The following ADGRL2 variants were observed in gnomAD, a reference collection of about 807,000 sequenced individuals.
ADGRL2 encodes the protein adhesion G protein-coupled receptor L2, also known as calcium-independent alpha-latrotoxin receptor 2.
ADGRL2 carries 44 observed loss-of-function variants against 157.4 expected under a neutral mutation model. The observed-to-expected ratio is 0.28, with a 90% CI of 0.22 to 0.36. ADGRL2 has a LOEUF of 0.36. Among genes scored for constraint, ADGRL2 ranks in the 10% least tolerant of loss-of-function variants. The pLI is 1.00. For missense variants in ADGRL2, 1,510 were observed against 1,768.9 expected (o/e 0.85, Z 2.63); for synonymous variants, 585 against 624.7 (o/e 0.94, Z 0.95).
chr1:81,991,227 C>T lies in ADGRL2; in HGVS notation c.*82C>T. 1.5e-6 allele frequency: 2 copies of T among 1,318,556 alleles called. No individual in the cohort carries two copies. The highest frequency in any genetic ancestry group is 2.1e-6 in the Non-Finnish European group (2 of 963,456). 81.7% of individuals were successfully genotyped at this position (1,318,556 alleles called of 1,614,324 possible). On this transcript the variant is annotated 3_prime_UTR_variant, in exon 24 of 24. Coordinates refer to ENST00000686636, the MANE Select transcript of ADGRL2 (RefSeq NM_001366006.2). ...ATTGGCCTGACGCAGCTCCCTCAAA[C>T]TCTGCTTGAAGAGATGACTCTTGAC... is the stretch of plus-strand genomic sequence containing the variant.
chr1:81,460,246 T>C (rs953784202), intron 2 of ADGRL2, among the ~76,000 whole-genome samples: 1 of 151,722 alleles, frequency 6.6e-6, no homozygotes, highest in Non-Finnish European at 1.5e-5. Context: ...TAAATTTTTA[T>C]ATTAATGATT....
chr1:81,971,907 T>G lies in ADGRL2; in HGVS notation c.3010T>G (p.Phe1004Val). The G allele has an allele frequency of 6.2e-7, 1 of 1,609,954 alleles. No individual in the cohort carries two copies. Among genetic ancestry groups the G allele is most frequent in the South Asian group, 1.1e-5 (1 of 90,736 alleles). The change falls in exon 17 of 24, where the codon TTC (phenylalanine) becomes GTC (valine). Residue 1004 changes from phenylalanine (F) to valine (V), a missense_variant. Transcript: ENST00000686636. ...ATGGAGCTTCATTGGACCTGTTACC[T>G]TCATTATTCTGGTAAGCAGGTTCTG... ...FIWSFIGPVTFIILLNIIFLV... is the reference protein window; with the variant it reads ...FIWSFIGPVTVIILLNIIFLV...
intron 3 of ADGRL2, among the ~76,000 whole-genome samples, chr1:81,693,074 G>A (rs550056635): frequency 3.3e-5 from 5 of 152,278 alleles, no homozygotes; most frequent in East Asian, 3.9e-4. Context: ...TCTGTGGCTT[G>A]TATTCTTTTA....
At chr1:81,344,494 T>C (rs942593483) in intron 1 of ADGRL2, among the ~76,000 whole-genome samples, 4 of 151,808 alleles carry the variant, frequency 2.6e-5, no homozygotes, top group African/African-American at 9.7e-5. Flanking sequence ...CTGACCAACA[T>C]GGAGAAACCC....
At position 81,950,959 on chromosome 1, in the gene ADGRL2, C is replaced by T. The variant is rs562280077; in HGVS notation, c.1505-59C>T. ...CAGAGCAGGATCATCATAGCTGATT[C>T]CCGAATGCATGCAGAAAAATGGTTT... On this transcript the variant is annotated intron_variant, in intron 7 of 23. Coordinates refer to ENST00000686636, the MANE Select transcript of ADGRL2 (RefSeq NM_001366006.2). 5 of 1,048,868 alleles carry T rather than the reference C, an allele frequency of 4.8e-6. No individual in the cohort carries two copies. The Admixed American group carries it at 5.2e-5, about 11-fold the overall frequency. The allele number at this position is 1,048,868 out of a possible 1,614,324, so 65.0% of individuals were successfully genotyped here.
intron 2 of ADGRL2, among the ~76,000 whole-genome samples, chr1:81,898,742 C>G (rs577623073): frequency 6.6e-5 from 10 of 152,010 alleles, no homozygotes; most frequent in African/African-American, 2.4e-4. Context: ...ACTTTTAACA[C>G]TATTTTCATC....
chr1:81,969,613 TTTA>T (rs1290524051), intron 15 of ADGRL2, among the ~76,000 whole-genome samples: 141 of 152,332 alleles, frequency 9.3e-4, no homozygotes, highest in African/African-American at 3.0e-3. Context: ...TTTCTGTGTT[TTTA>T]TTAAGACATA....
intron 2 of ADGRL2, among the ~76,000 whole-genome samples, chr1:81,488,319 A>G (rs115249857): frequency 1.3e-3 from 204 of 152,254 alleles, no homozygotes; most frequent in African/African-American, 4.6e-3. Context: ...AAAATCACAA[A>G]ATCAATAAAT....
chr1:81,539,644 C>A (rs1223361797), intron 2 of ADGRL2, among the ~76,000 whole-genome samples: 1 of 152,072 alleles, frequency 6.6e-6, no homozygotes, highest in African/African-American at 2.4e-5. Flanking sequence ...TATAGAAGTT[C>A]TCCCAGCATT....
chr1:81,467,604 T>C (rs2078086246), intron 2 of ADGRL2, among the ~76,000 whole-genome samples: 1 of 152,154 alleles, frequency 6.6e-6, no homozygotes, highest in Admixed American at 6.6e-5. Context: ...TAAACTCCAT[T>C]GTGCGGTTAG....
At position 81,987,022 on chromosome 1, in the gene ADGRL2, C is replaced by T. The variant is rs1304389661; in HGVS notation, c.3630C>T (p.Asn1210=). 1 of 1,610,446 alleles carries T rather than the reference C, an allele frequency of 6.2e-7. No individual in the cohort carries two copies. Among genetic ancestry groups the T allele is most frequent in the East Asian group, 2.2e-5 (1 of 44,822 alleles). ...VCNAPSAPVF[N]SPATYRETRH... The stretch of plus-strand genomic sequence containing the variant: ...ATGCCCCTTCAGCTCCTGTATTTAA[C>T]TCACCAGGTGTGCTTTACTTACAAA... The change falls in exon 22 of 24, where the codon AAC becomes AAT. Residue 1210 remains asparagine, a synonymous_variant. Transcript: ENST00000686636.
intron 2 of ADGRL2, among the ~76,000 whole-genome samples, chr1:81,572,356 CTACAATGTGCCAAGCACTAGG>C (rs1300827747): frequency 6.6e-6 from 1 of 152,156 alleles, no homozygotes; most frequent in Non-Finnish European, 1.5e-5. Flanking sequence ...TCTTGAGCAC[CTACAATGTGCCAAGCACTAGG>C]TAAGTTCTCA....
At chr1:81,527,781 C>T (rs1005723914) in intron 2 of ADGRL2, among the ~76,000 whole-genome samples, 3 of 151,918 alleles carry the variant, frequency 2.0e-5, no homozygotes, top group Non-Finnish European at 4.4e-5. Flanking sequence ...AAGAAGATAA[C>T]TTCTGGCCAG....
At chr1:81,802,810 G>A (rs1294865729) in intron 1 of ADGRL2, among the ~76,000 whole-genome samples, 1 of 152,160 alleles carries the variant, frequency 6.6e-6, no homozygotes, top group Non-Finnish European at 1.5e-5. Context: ...GCTTGGACGA[G>A]TTTTTGAGGG....
chr1:81,971,262 C>A (rs1658645969), intron 16 of ADGRL2, among the ~76,000 whole-genome samples: 2 of 151,934 alleles, frequency 1.3e-5, no homozygotes, highest in Non-Finnish European at 2.9e-5. Context: ...AAAAATGAAC[C>A]ACTAAGTAAA....
chr1:81,848,253 C>A (rs1011588193), intron 2 of ADGRL2, among the ~76,000 whole-genome samples: 1 of 151,760 alleles, frequency 6.6e-6, no homozygotes, highest in African/African-American at 2.4e-5. Flanking sequence ...AAGTTAGTAG[C>A]AAATTTTAAA....
At chr1:81,392,170 C>G (rs2076571203) in intron 1 of ADGRL2, among the ~76,000 whole-genome samples, 1 of 151,218 alleles carries the variant, frequency 6.6e-6, no homozygotes, top group Non-Finnish European at 1.5e-5. Context: ...ATCTCTACAC[C>G]ATGTGTAAAA....
chr1:81,884,276 A>C (rs1002401185), intron 2 of ADGRL2, among the ~76,000 whole-genome samples: 1 of 152,114 alleles, frequency 6.6e-6, no homozygotes, highest in African/African-American at 2.4e-5. Context: ...CGCCCATCCC[A>C]AACTGCCTTC....
intron 3 of ADGRL2, among the ~76,000 whole-genome samples, chr1:81,607,111 C>G (rs1270155929): frequency 6.6e-6 from 1 of 151,784 alleles, no homozygotes; most frequent in Admixed American, 6.6e-5. Context: ...GTTATAATAC[C>G]CTGGACTCAA....
Sources: gnomAD v4.1 joint callset for allele counts (sites outside exome capture counted in the v4.1 genomes callset) on GRCh38, gnomAD v4.1.1 for gene constraint, MANE v1.5 for transcripts, NCBI Gene and HGNC (gene_info 2026-07-23, HGNC 2026-07-21) for gene names.